The following CSF2RA variants were observed in gnomAD, a reference collection of about 807,000 sequenced individuals.
CSF2RA encodes the protein granulocyte-macrophage colony-stimulating factor receptor subunit alpha.
Under a neutral mutation model 51.6 loss-of-function variants are expected in CSF2RA, and 42 were observed. The ratio of observed to expected loss-of-function variants is 0.81; its 90% confidence interval spans 0.64 to 1.05. The LOEUF (loss-of-function observed/expected upper bound fraction) is 1.05, where lower values mean the gene tolerates loss of function less well. Among genes scored for constraint, CSF2RA ranks in the 50% least tolerant of loss-of-function variants. The pLI is 0.00. For synonymous variants in CSF2RA, 222 were observed against 193.0 expected, an observed-to-expected ratio of 1.15 and a Z score of -1.24; for missense variants, 530 against 501.1, an observed-to-expected ratio of 1.06 and a Z score of -0.55.
rs62603307 is a variant in CSF2RA, at chrX:1,298,730, G to A, written c.811-1761G>A. Among the ~76,000 whole-genome samples, 27 of 36,302 alleles carry A rather than the reference G, an allele frequency of 7.4e-4. 2 individuals carry two copies. Among genetic ancestry groups the A allele is most frequent in the East Asian group, 1.9e-3 (4 of 2,130 alleles). The allele number at this position is 36,302 out of a possible 152,430, so 23.8% of individuals were successfully genotyped here. On this transcript the variant is annotated intron_variant, in intron 9 of 12. Coordinates refer to ENST00000381529, the MANE Select transcript of CSF2RA (RefSeq NM_172245.4). Reference sequence around the variant, plus strand: ...TGGAACCCTACAGTCCCCTACTCACGACCCCTAGTGTAACCCCACATGACC... The same window carrying A: ...TGGAACCCTACAGTCCCCTACTCACAACCCCTAGTGTAACCCCACATGACC...
chrX:1,306,830 G>C (rs1338530322), intron 12 of CSF2RA, among the ~76,000 whole-genome samples: 1 of 150,816 alleles, frequency 6.6e-6, no homozygotes, highest in African/African-American at 2.4e-5. Context: ...GACAGAGAGA[G>C]AAACAGAGAG....
chrX:1,268,999 T>TTGA, intron 1 of CSF2RA, 120 bp downstream of exon 1: 1 of 401,596 alleles, frequency 2.5e-6, no homozygotes, highest in Non-Finnish European at 5.0e-6. Context: ...ATTTCAAACG[T>TTGA]TGGCTCGAGC....
rs1330444187 is a variant in CSF2RA, at chrX:1,285,677, G to A, written c.77-101G>A. 6 of 1,377,628 alleles carry A rather than the reference G, an allele frequency of 4.4e-6. No homozygotes were observed. In the Admixed American group the frequency reaches 1.3e-4, roughly 31 times the overall value. The allele number at this position is 1,377,628 out of a possible 1,614,324, so 85.3% of individuals were successfully genotyped here. ...AGATCACAGCACTGCACTCCAGCCTGGGAGACAAAGCCAGACTCCGTCTCA... is the reference window on the plus strand; with the variant it reads ...AGATCACAGCACTGCACTCCAGCCTAGGAGACAAAGCCAGACTCCGTCTCA... On this transcript the variant is annotated intron_variant, in intron 3 of 12. Transcript: ENST00000381529.
chrX:1,295,140 C>T (rs377702434), intron 8 of CSF2RA, among the ~76,000 whole-genome samples: 3 of 47,392 alleles, frequency 6.3e-5, no homozygotes, highest in African/African-American at 2.5e-4. Flanking sequence ...AGAAGGAGAG[C>T]CTGCTCCATG....
intron 10 of CSF2RA, among the ~76,000 whole-genome samples, chrX:1,300,929 G>A (rs867315576): frequency 1.3e-5 from 2 of 151,828 alleles, no homozygotes; most frequent in African/African-American, 2.4e-5. Context: ...TGAGGCCGGC[G>A]GATCACCGGA....
chrX:1,316,629 C>G, the CSF2RA span, among the ~76,000 whole-genome samples: 1 of 152,232 alleles, frequency 6.6e-6, no homozygotes, highest in Non-Finnish European at 1.5e-5. Flanking sequence ...TGGAGACTCA[C>G]GTTCAGCCCC....
At chrX:1,314,261 C>T (rs1352446428), downstream of CSF2RA, among the ~76,000 whole-genome samples, 11 of 27,694 alleles carry the variant, frequency 4.0e-4, no homozygotes, top group South Asian at 1.1e-3. Context: ...CCTGCCCAAC[C>T]CCACTGCGCC....
chrX:1,305,821 CT>C (rs2083506705), intron 12 of CSF2RA: 3 of 1,539,208 alleles, frequency 1.9e-6, no homozygotes, highest in Admixed American at 2.0e-5. Flanking sequence ...TGGCTCATGC[CT>C]GTCATCCCAG....
chrX:1,291,802 C>T (rs781349130), intron 7 of CSF2RA, among the ~76,000 whole-genome samples: 6 of 150,616 alleles, frequency 4.0e-5, no homozygotes, highest in African/African-American at 7.3e-5. Context: ...CCCTACTCCA[C>T]GTCCACCTGG....
chrX:1,320,410 A>G, the CSF2RA span, among the ~76,000 whole-genome samples: 3 of 151,962 alleles, frequency 2.0e-5, no homozygotes, highest in African/African-American at 4.8e-5. Flanking sequence ...TTTTGCTTTT[A>G]GTCAGAAAAG....
intron 1 of CSF2RA, among the ~76,000 whole-genome samples, chrX:1,270,360 C>T (rs112476450): frequency 0.36 from 54,381 of 151,520 alleles, 11,163 homozygotes; most frequent in African/African-American, 0.56. Context: ...CCATCTCGGC[C>T]TCCCGAGTAG....
chrX:1,273,178 A>G (rs1376076580), intron 1 of CSF2RA, among the ~76,000 whole-genome samples: 1 of 152,042 alleles, frequency 6.6e-6, no homozygotes, highest in African/African-American at 2.4e-5. Flanking sequence ...GGCAAGCCCT[A>G]CAAACCATAA....
chrX:1,291,262 T>G (rs866887207), intron 7 of CSF2RA, among the ~76,000 whole-genome samples: 1 of 95,350 alleles, frequency 1.0e-5, no homozygotes, highest in Admixed American at 1.1e-4. Context: ...CTCCCTGCCT[T>G]TCTGCCTTTC....
chrX:1,309,440 C>T lies in CSF2RA; in HGVS notation c.1164C>T (p.Gly388=), dbSNP rs1475094936. Residue 388 remains glycine, a synonymous_variant, in exon 13 of 13, where the codon GGC becomes GGT. Transcript: ENST00000381529. ...WEEFTPEEGK[G]YREEVLTVKE... ...AATTCACCCCAGAGGAAGGGAAAGG[C>T]TACCGCGAAGAGGTCTTGACCGTGA... 3.1e-6 allele frequency: 5 copies of T among 1,613,870 alleles called. No homozygotes were observed. The highest frequency in any genetic ancestry group is 1.1e-5 in the South Asian group (1 of 91,082).
downstream of CSF2RA, among the ~76,000 whole-genome samples, chrX:1,312,387 C>T (rs1223389722): frequency 3.0e-4 from 46 of 152,148 alleles, no homozygotes; most frequent in Middle Eastern, 3.2e-3. Flanking sequence ...TAAGAACATG[C>T]TGGGGGCCAT....
At chrX:1,314,122 T>A (rs2148756503), downstream of CSF2RA, among the ~76,000 whole-genome samples, 1 of 152,104 alleles carries the variant, frequency 6.6e-6, no homozygotes, top group South Asian at 2.1e-4. Context: ...CTCCCCTGTG[T>A]TCTTTGGCAC....
chrX:1,293,679 G>C (rs1193090553), intron 7 of CSF2RA, among the ~76,000 whole-genome samples: 1 of 150,694 alleles, frequency 6.6e-6, no homozygotes, highest in African/African-American at 2.4e-5. Flanking sequence ...CCTGGACCCA[G>C]TGTAGATGGG....
downstream of CSF2RA, among the ~76,000 whole-genome samples, chrX:1,314,137 G>A (rs1278263895): frequency 2.6e-5 from 4 of 151,896 alleles, no homozygotes; most frequent in South Asian, 8.3e-4. Flanking sequence ...TGGCACCTAC[G>A]GACCCTCTCC....
the CSF2RA span, among the ~76,000 whole-genome samples, chrX:1,323,149 C>CA: frequency 8.2e-4 from 37 of 45,296 alleles, no homozygotes; most frequent in African/African-American, 2.1e-3. Flanking sequence ...CAATACAATA[C>CA]ATTACAATTA....
Sources: allele counts gnomAD v4.1 joint callset (sites outside exome capture counted in the v4.1 genomes callset), GRCh38; gene constraint gnomAD v4.1.1; transcripts MANE v1.5; gene names NCBI Gene and HGNC (gene_info 2026-07-23, HGNC 2026-07-21).